KIAA1958: variants seen among roughly 807,000 people sequenced by gnomAD.
KIAA1958 encodes uncharacterized protein KIAA1958.
A neutral mutation model predicts 47.2 loss-of-function variants in KIAA1958; 14 were observed. That is an observed-to-expected ratio of 0.30 (90% confidence interval 0.20 to 0.46). KIAA1958 has a LOEUF of 0.46. Ranked by LOEUF, KIAA1958 falls within the 20% of genes least tolerant of loss-of-function variation. The pLI, the probability that KIAA1958 is intolerant of heterozygous loss-of-function variation, is 1.00. For missense variants in KIAA1958, 803 were observed against 909.2 expected (o/e 0.88, Z 1.50); for synonymous variants, 354 against 353.3 (o/e 1.00, Z -0.02).
intron 1 of KIAA1958, among the ~76,000 whole-genome samples, chr9:112,503,715 G>C (rs1834184427): frequency 1.3e-5 from 2 of 151,844 alleles, no homozygotes; most frequent in Admixed American, 1.3e-4. Flanking sequence ...GATAATGCTG[G>C]TGGTAGTGGG....
intron 1 of KIAA1958, among the ~76,000 whole-genome samples, chr9:112,527,656 G>A (rs1172104920): frequency 6.6e-6 from 1 of 152,132 alleles, no homozygotes; most frequent in Non-Finnish European, 1.5e-5. Flanking sequence ...TAAGAGGCTG[G>A]GCGTGGTGGC....
chr9:112,638,107 C>T (rs977874719), intron 2 of KIAA1958, among the ~76,000 whole-genome samples: 3 of 152,072 alleles, frequency 2.0e-5, no homozygotes, highest in Non-Finnish European at 2.9e-5. Context: ...AGAGATCGTG[C>T]CACTGCACTC....
In KIAA1958 at chr9:112,659,762, G is replaced by A. The variant is rs747411800; in HGVS notation, c.1844G>A (p.Gly615Glu). The A allele has an allele frequency of 9.9e-6, 16 of 1,614,012 alleles. No individual in the cohort carries two copies. The highest frequency in any genetic ancestry group is 1.3e-5 in the Non-Finnish European group (15 of 1,180,030). Residue 615 changes from glycine (G) to glutamate (E), a missense_variant, in exon 4 of 4, where the codon GGG becomes GAG. Transcript: ENST00000337530. Reference sequence around the variant, plus strand: ...AGCGGCTCCACCAGAGTGTGTCACGGGAAGATCTACCATGAGCATTCCCGG... The same window carrying A: ...AGCGGCTCCACCAGAGTGTGTCACGAGAAGATCTACCATGAGCATTCCCGG... The part of the protein sequence containing the change: ...SRSGSTRVCH[G>E]KIYHEHSRGH...
At chr9:112,544,045 AT>A (rs1834988861) in intron 1 of KIAA1958, among the ~76,000 whole-genome samples, 1 of 152,036 alleles carries the variant, frequency 6.6e-6, no homozygotes, top group Non-Finnish European at 1.5e-5. Flanking sequence ...AGCCTTGTCT[AT>A]GTCTCTATTG....
At chr9:112,487,424 A>G (rs896526297) in intron 1 of KIAA1958, among the ~76,000 whole-genome samples, 27 of 151,910 alleles carry the variant, frequency 1.8e-4, no homozygotes, top group Middle Eastern at 3.4e-3. Flanking sequence ...CTCGGGTCTC[A>G]GCGGCGGCTG....
intron 1 of KIAA1958, among the ~76,000 whole-genome samples, chr9:112,488,093 G>C (rs902567720): frequency 1.3e-5 from 2 of 152,122 alleles, no homozygotes; most frequent in African/African-American, 4.8e-5. Flanking sequence ...AGCTTCCATG[G>C]TGGAGGTTAA....
chr9:112,629,042 A>G (rs75667795), intron 2 of KIAA1958, among the ~76,000 whole-genome samples: 1,732 of 152,304 alleles, frequency 0.011, 35 homozygotes, highest in Non-Finnish European at 0.011. Flanking sequence ...GGTTTAATAG[A>G]ATGAATGCTG....
intron 2 of KIAA1958, among the ~76,000 whole-genome samples, chr9:112,615,350 G>A (rs529799789): frequency 5.9e-5 from 9 of 151,268 alleles, no homozygotes; most frequent in African/African-American, 1.7e-4. Context: ...AACCTAGAAG[G>A]CGGAGGTTGC....
At chr9:112,579,651 G>T (rs1263988627) in intron 2 of KIAA1958, among the ~76,000 whole-genome samples, 1 of 151,546 alleles carries the variant, frequency 6.6e-6, no homozygotes, top group East Asian at 1.9e-4. Flanking sequence ...TAAATTTATG[G>T]TGATTGTATT....
chr9:112,554,972 G>A (rs1835216713), intron 1 of KIAA1958, among the ~76,000 whole-genome samples: 1 of 152,086 alleles, frequency 6.6e-6, no homozygotes, highest in Admixed American at 6.5e-5. Flanking sequence ...CAAGAAAGGA[G>A]GACTTCAGAA....
intron 1 of KIAA1958, among the ~76,000 whole-genome samples, chr9:112,487,671 T>C (rs986481285): frequency 6.6e-6 from 1 of 152,104 alleles, no homozygotes; most frequent in South Asian, 2.1e-4. Context: ...CTCCCTTATT[T>C]ATTGTTTCTA....
rs1325141713 is a variant in KIAA1958 at position 112,574,938 on chromosome 9, G to A, written c.858G>A (p.Arg286=). The A allele has an allele frequency of 6.2e-7, 1 of 1,614,030 alleles. No individual in the cohort carries two copies. Among genetic ancestry groups the A allele is most frequent in the South Asian group, 1.1e-5 (1 of 91,066 alleles). Reference sequence around the variant, plus strand: ...GACCAATTGTCCAGAAGACTGCTAGGGTATCTCTGGCTTCACCAAACAGAG... The same window carrying A: ...GACCAATTGTCCAGAAGACTGCTAGAGTATCTCTGGCTTCACCAAACAGAG... The part of the protein sequence containing the change: ...ISRPIVQKTA[R]VSLASPNRGP... Residue 286 remains arginine, a synonymous_variant, in exon 2 of 4, where the codon AGG becomes AGA. Coordinates refer to ENST00000337530, the MANE Select transcript of KIAA1958 (RefSeq NM_133465.4).
At chr9:112,524,406 A>G (rs1564158868) in intron 1 of KIAA1958, among the ~76,000 whole-genome samples, 1 of 152,238 alleles carries the variant, frequency 6.6e-6, no homozygotes, top group Non-Finnish European at 1.5e-5. Context: ...TTTATGCTAT[A>G]CCTCGGAAAA....
chr9:112,622,802 G>A (rs577326633), intron 2 of KIAA1958, among the ~76,000 whole-genome samples: 16 of 152,236 alleles, frequency 1.1e-4, no homozygotes, highest in Admixed American at 2.0e-4. Flanking sequence ...GCTTGCAGAT[G>A]CCATGAAATC....
At chr9:112,603,192 T>G (rs575383885) in intron 2 of KIAA1958, among the ~76,000 whole-genome samples, 1 of 152,086 alleles carries the variant, frequency 6.6e-6, no homozygotes, top group Non-Finnish European at 1.5e-5. Flanking sequence ...ATGTTAGAGG[T>G]AGAGAAATGG....
At chr9:112,640,548 C>G (rs1836874417) in intron 2 of KIAA1958, among the ~76,000 whole-genome samples, 2 of 152,146 alleles carry the variant, frequency 1.3e-5, no homozygotes, top group Admixed American at 6.5e-5. Context: ...TAGCCCTGCA[C>G]TTGAATGTTC....
chr9:112,657,190 C>T (rs1212930827), intron 3 of KIAA1958, among the ~76,000 whole-genome samples: 4 of 151,916 alleles, frequency 2.6e-5, no homozygotes, highest in African/African-American at 4.8e-5. Context: ...CTGCCTCAAG[C>T]GATTCTCCTG....
chr9:112,531,475 G>T (rs1396072002), intron 1 of KIAA1958, among the ~76,000 whole-genome samples: 1 of 152,132 alleles, frequency 6.6e-6, no homozygotes, highest in Non-Finnish European at 1.5e-5. Flanking sequence ...ATACCACAGT[G>T]TTAACAGAGA....
chr9:112,633,511 CTTA>C (rs1054948486), intron 2 of KIAA1958, among the ~76,000 whole-genome samples: 2 of 151,904 alleles, frequency 1.3e-5, no homozygotes, highest in African/African-American at 4.8e-5. Context: ...TATTGAAGTA[CTTA>C]TTATACTTAC....
Sources: gnomAD v4.1 joint callset for allele counts (sites outside exome capture counted in the v4.1 genomes callset) on GRCh38, gnomAD v4.1.1 for gene constraint, MANE v1.5 for transcripts, NCBI Gene and HGNC (gene_info 2026-07-23, HGNC 2026-07-21) for gene names.